HERC3: variants seen among roughly 807,000 people sequenced by gnomAD.
HERC3 encodes probable E3 ubiquitin-protein ligase HERC3.
HERC3 carries 58 observed loss-of-function variants against 129.9 expected under a neutral mutation model. The observed-to-expected ratio is 0.45, with a 90% CI of 0.36 to 0.56. The LOEUF (loss-of-function observed/expected upper bound fraction) is 0.56, where lower values mean the gene tolerates loss of function less well. Ranked by LOEUF, HERC3 falls within the 20% of genes least tolerant of loss-of-function variation. HERC3 has a pLI of 0.00. For missense variants in HERC3, 835 were observed against 1,244.2 expected, an observed-to-expected ratio of 0.67 and a Z score of 4.95; for synonymous variants, 430 against 451.0, an observed-to-expected ratio of 0.95 and a Z score of 0.59.
chr4:88,627,335 C>A (rs1043171302), intron 3 of HERC3, among the ~76,000 whole-genome samples: 3 of 151,762 alleles, frequency 2.0e-5, no homozygotes, highest in Non-Finnish European at 4.4e-5. Context: ...AAAAAAATTA[C>A]AACAATAAAA....
intron 20 of HERC3, 116 bp from the exon 21 acceptor site, chr4:88,681,039 CTAAA>C (rs1732718469): frequency 6.9e-7 from 1 of 1,452,482 alleles, no homozygotes; most frequent in Non-Finnish European, 9.1e-7. Flanking sequence ...CAGAAGGTAA[CTAAA>C]TATTAATGAG....
At chr4:88,656,156 T>G (rs139661725) in intron 9 of HERC3, 121 bp downstream of exon 9, 1 of 863,748 alleles carries the variant, frequency 1.2e-6, no homozygotes, top group African/African-American at 1.7e-5. Flanking sequence ...AGGTATTTTT[T>G]AACATCAATT....
At chr4:88,539,058 T>C in the HERC3 span, among the ~76,000 whole-genome samples, 8 of 152,116 alleles carry the variant, frequency 5.3e-5, no homozygotes, top group Admixed American at 1.3e-4. Context: ...GTTCATCTCA[T>C]TGGGACTGGT....
the HERC3 span, among the ~76,000 whole-genome samples, chr4:88,557,272 G>A: frequency 5.3e-5 from 8 of 152,174 alleles, no homozygotes; most frequent in South Asian, 2.1e-4. Context: ...GTTACTTAAT[G>A]TTAAGAGCTA....
the HERC3 span, among the ~76,000 whole-genome samples, chr4:88,544,870 G>A: frequency 6.6e-6 from 1 of 152,142 alleles, no homozygotes; most frequent in Admixed American, 6.6e-5. Context: ...GTGGACACAG[G>A]GCAGGGAGCA....
At chr4:88,524,566 C>T in the HERC3 span, among the ~76,000 whole-genome samples, 16 of 152,138 alleles carry the variant, frequency 1.1e-4, no homozygotes, top group African/African-American at 3.9e-4. Flanking sequence ...AGCTTGGTTC[C>T]CTGTCCACAA....
At chr4:88,631,288 G>A (rs750640386) in intron 3 of HERC3, among the ~76,000 whole-genome samples, 1 of 151,908 alleles carries the variant, frequency 6.6e-6, no homozygotes, top group Admixed American at 6.6e-5. Flanking sequence ...AACCCCGCCT[G>A]TACTAAAAAT....
At chr4:88,634,589 A>G (rs377114813) in intron 3 of HERC3, among the ~76,000 whole-genome samples, 36 of 152,138 alleles carry the variant, frequency 2.4e-4, no homozygotes, top group African/African-American at 8.4e-4. Flanking sequence ...GGCAGCCCAG[A>G]TGAGTGAGTT....
At chr4:88,680,915 G>A (rs903724936) in intron 20 of HERC3, 1 of 543,726 alleles carries the variant, frequency 1.8e-6, no homozygotes, top group Non-Finnish European at 2.3e-6. Context: ...CTGTTGGATG[G>A]CCCTGCTCTA....
intron 10 of HERC3, among the ~76,000 whole-genome samples, chr4:88,660,730 G>GTGTGTT (rs1164303809): frequency 6.6e-6 from 1 of 152,164 alleles, no homozygotes; most frequent in East Asian, 1.9e-4. Context: ...GTGCATGTGT[G>GTGTGTT]TGTGTTTGTG....
intron 3 of HERC3, among the ~76,000 whole-genome samples, chr4:88,644,489 A>T (rs1292684097): frequency 6.6e-6 from 1 of 152,202 alleles, no homozygotes. Context: ...ATTATGAGTA[A>T]AACAATCCAG....
upstream of HERC3, among the ~76,000 whole-genome samples, chr4:88,590,819 C>A (rs576488608): frequency 2.0e-5 from 3 of 152,208 alleles, no homozygotes; most frequent in East Asian, 5.8e-4. Context: ...TGTGAAACTG[C>A]CACATATCTG....
the HERC3 span, chr4:88,523,991 C>A: frequency 2.4e-6 from 1 of 421,656 alleles, no homozygotes; most frequent in Admixed American, 4.4e-5. Flanking sequence ...GTCAAGGTGT[C>A]TGGGTTTTCA....
chr4:88,649,776 G>C (rs1288286365), intron 3 of HERC3, 64 bp from the exon 4 acceptor site: 1 of 1,381,662 alleles, frequency 7.2e-7, no homozygotes, highest in Non-Finnish European at 1.0e-6. Flanking sequence ...ATAATCCTGT[G>C]TAATGGTAGC....
chr4:88,535,326 C>A, the HERC3 span, among the ~76,000 whole-genome samples: 5 of 152,200 alleles, frequency 3.3e-5, no homozygotes, highest in African/African-American at 1.2e-4. Flanking sequence ...ATGGAAAATA[C>A]GACTAAATAT....
At chr4:88,530,841 GA>G in the HERC3 span, among the ~76,000 whole-genome samples, 1 of 152,048 alleles carries the variant, frequency 6.6e-6, no homozygotes, top group African/African-American at 2.4e-5. Flanking sequence ...ATGGAAAGAG[GA>G]ATAGTATTTT....
At chr4:88,640,965 T>C (rs1578223086) in intron 3 of HERC3, among the ~76,000 whole-genome samples, 2 of 152,354 alleles carry the variant, frequency 1.3e-5, no homozygotes, top group East Asian at 1.9e-4. Context: ...CTAGATATGA[T>C]TGATATTTAT....
chr4:88,687,390 A>G lies in HERC3; in HGVS notation c.2657+91A>G, dbSNP rs916285607. ...ACCAAAATAAAAATTACTTTTTAAT[A>G]TTAATACCTTCTTCAGAGGAGGTAA... On this transcript the variant is annotated intron_variant, in intron 23 of 25. Transcript: ENST00000402738. 5.8e-6 allele frequency: 4 copies of G among 690,270 alleles called. No individual in the cohort carries two copies. In the African/African-American group the frequency reaches 7.4e-5, roughly 13 times the overall value. 42.8% of individuals were successfully genotyped at this position (690,270 alleles called of 1,614,324 possible).
At chr4:88,559,567 T>A in the HERC3 span, among the ~76,000 whole-genome samples, 4 of 152,226 alleles carry the variant, frequency 2.6e-5, no homozygotes, top group African/African-American at 9.6e-5. Context: ...CTGGCTTATT[T>A]CCCTTAGCAT....
Sources: allele counts gnomAD v4.1 joint callset (sites outside exome capture counted in the v4.1 genomes callset), GRCh38; gene constraint gnomAD v4.1.1; transcripts MANE v1.5; gene names NCBI Gene and HGNC (gene_info 2026-07-23, HGNC 2026-07-21).